Variants in PID1 observed in about 807,000 individuals in gnomAD.
The protein encoded by PID1 is PTB-containing, cubilin and LRP1-interacting protein.
Under a neutral mutation model 19.1 loss-of-function variants are expected in PID1, and 10 were observed. The observed-to-expected ratio is 0.52, with a 90% CI of 0.32 to 0.89. The LOEUF (loss-of-function observed/expected upper bound fraction) is 0.89. Among genes scored for constraint, PID1 ranks in the 40% least tolerant of loss-of-function variants. The pLI, the probability that PID1 is intolerant of heterozygous loss-of-function variation, is 0.03. For missense variants in PID1, 248 were observed against 285.3 expected (o/e 0.87, Z 0.94); for synonymous variants, 130 against 116.0 (o/e 1.12, Z -0.78).
chr2:229,148,743 GGAGGGAAAGAGGGAGA>G (rs1383710041), intron 2 of PID1, among the ~76,000 whole-genome samples: 4 of 151,082 alleles, frequency 2.6e-5, no homozygotes, highest in Admixed American at 1.3e-4. Context: ...AGGAAAGGAG[GGAGGGAAAGAGGGAGA>G]GAGGGAAGGA....
At chr2:229,165,617 A>G (rs1012844336) in intron 1 of PID1, among the ~76,000 whole-genome samples, 2 of 152,138 alleles carry the variant, frequency 1.3e-5, no homozygotes, top group Non-Finnish European at 2.9e-5. Context: ...TGAGACATGC[A>G]AAAATGGAAG....
At chr2:229,140,156 T>C (rs1376145759) in intron 2 of PID1, among the ~76,000 whole-genome samples, 12 of 152,158 alleles carry the variant, frequency 7.9e-5, no homozygotes, top group Admixed American at 7.9e-4. Context: ...CAGAATATAT[T>C]AAAATTTCTA....
chr2:229,131,958 G>C (rs1171421893), intron 2 of PID1, among the ~76,000 whole-genome samples: 2 of 152,116 alleles, frequency 1.3e-5, no homozygotes, highest in African/African-American at 4.8e-5. Context: ...ACCCTCTCTA[G>C]AGCAGGATTA....
chr2:229,231,932 G>A (rs1375928543), intron 1 of PID1: 28 of 1,550,286 alleles, frequency 1.8e-5, no homozygotes, highest in African/African-American at 2.7e-5. Flanking sequence ...TCACCGTTCC[G>A]GAGGCTAGGA....
chr2:229,238,729 A>AG (rs1175311576), intron 1 of PID1, among the ~76,000 whole-genome samples: 2 of 152,098 alleles, frequency 1.3e-5, no homozygotes, highest in African/African-American at 4.8e-5. Flanking sequence ...AGACATGGGC[A>AG]GGGATAAGAG....
At chr2:229,232,784 CATAAAT>C (rs1369844641) in intron 1 of PID1, among the ~76,000 whole-genome samples, 6 of 75,346 alleles carry the variant, frequency 8.0e-5, no homozygotes, top group African/African-American at 3.3e-4. Flanking sequence ...CACACACACA[CATAAAT>C]ATATATATAT....
At chr2:229,114,125 C>CTT in intron 2 of PID1, among the ~76,000 whole-genome samples, 1 of 149,496 alleles carries the variant, frequency 6.7e-6, no homozygotes, top group Non-Finnish European at 1.5e-5. Context: ...CTCTCTCTCT[C>CTT]TCTCTCTCTT....
At chr2:229,038,379 G>A (rs1693704554) in intron 2 of PID1, among the ~76,000 whole-genome samples, 1 of 152,082 alleles carries the variant, frequency 6.6e-6, no homozygotes, top group Admixed American at 6.6e-5. Flanking sequence ...CTGATATGTG[G>A]AACAACTTGG....
chr2:229,208,336 A>G (rs1691654131), intron 1 of PID1, among the ~76,000 whole-genome samples: 1 of 152,208 alleles, frequency 6.6e-6, no homozygotes, highest in Admixed American at 6.5e-5. Flanking sequence ...TCACCACTTT[A>G]TCTTGCATCT....
At chr2:229,166,220 T>C (rs934590635) in intron 1 of PID1, among the ~76,000 whole-genome samples, 1 of 152,088 alleles carries the variant, frequency 6.6e-6, no homozygotes, top group Admixed American at 6.6e-5. Context: ...AAAGAGAACA[T>C]ACTGTATGAT....
At chr2:229,192,915 T>C (rs761485733) in intron 1 of PID1, among the ~76,000 whole-genome samples, 4 of 152,208 alleles carry the variant, frequency 2.6e-5, no homozygotes, top group Non-Finnish European at 5.9e-5. Context: ...TACCGGAACA[T>C]AAATGTCCAA....
chr2:229,031,215 C>CAAAAAAAAAAAAAAAAAA (rs3083804), intron 2 of PID1, among the ~76,000 whole-genome samples: 2 of 68,424 alleles, frequency 2.9e-5, no homozygotes, highest in East Asian at 4.3e-4. Context: ...GACTCTGTCT[C>CAAAAAAAAAAAAAAAAAA]AAAAAAAAAA....
intron 2 of PID1, among the ~76,000 whole-genome samples, chr2:229,058,732 A>C (rs1367031748): frequency 3.3e-5 from 5 of 151,568 alleles, no homozygotes; most frequent in African/African-American, 1.2e-4. Context: ...AATTTGAAAA[A>C]AAAAAAAAAA....
At chr2:229,054,719 T>TC (rs1694062545) in intron 2 of PID1, among the ~76,000 whole-genome samples, 2 of 17,984 alleles carry the variant, frequency 1.1e-4, no homozygotes, top group Non-Finnish European at 3.2e-4. Context: ...TGTGTGTGTG[T>TC]GGGGGGGGGG....
intron 1 of PID1, chr2:229,236,592 C>T (rs1301914806): frequency 6.6e-6 from 1 of 151,928 alleles, no homozygotes; most frequent in East Asian, 1.9e-4. Context: ...AGGCTGTCAC[C>T]AGGTCATTTT....
chr2:229,175,964 A>C (rs950072957), intron 1 of PID1, among the ~76,000 whole-genome samples: 1 of 152,192 alleles, frequency 6.6e-6, no homozygotes, highest in African/African-American at 2.4e-5. Flanking sequence ...TGCCTCCCAT[A>C]ATCTGCCTCA....
intron 2 of PID1, among the ~76,000 whole-genome samples, chr2:229,066,959 T>C (rs1206547500): frequency 6.6e-6 from 1 of 152,180 alleles, no homozygotes; most frequent in Non-Finnish European, 1.5e-5. Flanking sequence ...TATCTTAGAC[T>C]GTTCTCACAC....
intron 1 of PID1, among the ~76,000 whole-genome samples, chr2:229,181,758 AG>A (rs147296150): frequency 0.098 from 14,927 of 152,328 alleles, 940 homozygotes; most frequent in South Asian, 0.25. Flanking sequence ...TATCATTATC[AG>A]AGATGTCTCT....
chr2:229,129,225 G>C (rs1480746223), intron 2 of PID1, among the ~76,000 whole-genome samples: 1 of 152,004 alleles, frequency 6.6e-6, no homozygotes, highest in South Asian at 2.1e-4. Context: ...CTCCTTAAGA[G>C]ACTCATTTAA....
Sources: allele counts gnomAD v4.1 joint callset (sites outside exome capture counted in the v4.1 genomes callset), GRCh38; gene constraint gnomAD v4.1.1; transcripts MANE v1.5; gene names NCBI Gene and HGNC (gene_info 2026-07-23, HGNC 2026-07-21).